The following SPATA13 variants were observed in gnomAD, a reference collection of about 807,000 sequenced individuals.
SPATA13 encodes the protein spermatogenesis associated 13.
A neutral mutation model predicts 104.0 loss-of-function variants in SPATA13; 50 were observed. The observed-to-expected ratio is 0.48, with a 90% CI of 0.38 to 0.61. The LOEUF is 0.61. Ranked by LOEUF, SPATA13 falls within the 20% of genes least tolerant of loss-of-function variation. The pLI, the probability that SPATA13 is intolerant of heterozygous loss-of-function variation, is 0.00. For synonymous variants in SPATA13, 606 were observed against 667.5 expected (o/e 0.91, Z 1.42); for missense variants, 1,524 against 1,690.6 (o/e 0.90, Z 1.73).
At chr13:24,165,754 A>G (rs987714868) in intron 1 of SPATA13, among the ~76,000 whole-genome samples, 1 of 152,220 alleles carries the variant, frequency 6.6e-6, no homozygotes, top group Admixed American at 6.5e-5. Flanking sequence ...CATCTTTTGC[A>G]GAAAATGTTG....
At chr13:24,095,037 A>T (rs1313594326) in intron 3 of SPATA13, among the ~76,000 whole-genome samples, 3 of 152,226 alleles carry the variant, frequency 2.0e-5, no homozygotes, top group African/African-American at 7.2e-5. Flanking sequence ...CATGTGATCC[A>T]GCAATCCCAC....
chr13:23,981,200 A>T (rs1874876605), intron 1 of SPATA13, among the ~76,000 whole-genome samples: 1 of 152,178 alleles, frequency 6.6e-6, no homozygotes, highest in Non-Finnish European at 1.5e-5. Context: ...GGGTATTTTC[A>T]TACATGGAGA....
chr13:24,235,826 T>C (rs931324920), intron 2 of SPATA13, among the ~76,000 whole-genome samples: 1 of 152,218 alleles, frequency 6.6e-6, no homozygotes, highest in African/African-American at 2.4e-5. Context: ...CATCCACTAC[T>C]GAGAACTAGA....
At chr13:23,999,256 A>T (rs1187168614) in intron 2 of SPATA13, among the ~76,000 whole-genome samples, 1 of 151,202 alleles carries the variant, frequency 6.6e-6, no homozygotes, top group Non-Finnish European at 1.5e-5. Context: ...AACTGGTTTT[A>T]TAAGTCTCAA....
In SPATA13 at chr13:24,306,355, G is replaced by A. The variant is rs1877576100; in HGVS notation, c.*3582G>A. 6.6e-6 allele frequency: 1 copy of A among 152,208 alleles called. No homozygotes were observed. Among genetic ancestry groups the A allele is most frequent in the Non-Finnish European group, 1.5e-5 (1 of 68,048 alleles). The allele number at this position is 152,208 out of a possible 1,614,324, so 9.4% of individuals were successfully genotyped here. A position where few individuals can be genotyped will look rare whatever the true frequency, so the allele number is the denominator to read the frequency against. ...GAATAGAACAGCATAATTACCTGGA[G>A]TTAGGGGGAGTATTTCTGCACTATT... On this transcript the variant is annotated 3_prime_UTR_variant, in exon 13 of 13. Coordinates refer to ENST00000382108, the MANE Select transcript of SPATA13 (RefSeq NM_001166271.3).
intron 2 of SPATA13, among the ~76,000 whole-genome samples, chr13:24,009,102 G>A (rs1876357336): frequency 6.6e-6 from 1 of 152,188 alleles, no homozygotes; most frequent in African/African-American, 2.4e-5. Context: ...GCCCTGCTGA[G>A]GGTGCCCTGA....
At chr13:24,297,825 T>G in intron 11 of SPATA13, 90 bp downstream of exon 11, 2 of 1,454,578 alleles carry the variant, frequency 1.4e-6, no homozygotes, top group South Asian at 1.4e-5. Flanking sequence ...CTGCCCAGCC[T>G]TCTCCCTCAG....
chr13:24,088,959 C>A lies in SPATA13; in HGVS notation c.-112+71258C>A, dbSNP rs370515360. ...TGATCTGGGTCTGGAGACAGGGATG[C>A]GGTCATCGACAGCTCTGGGTTTATG... On this transcript the variant is annotated intron_variant, in intron 3 of 14. Coordinates refer to the SPATA13 transcript ENST00000424834. This position sits in a 1 kb window ranked among gnomAD's most constrained non-coding sequence, Gnocchi z 4.3. Among the ~76,000 whole-genome samples the A allele has an allele frequency of 1.8e-4, 28 of 152,250 alleles. No homozygotes were observed. Among genetic ancestry groups the A allele is most frequent in the African/African-American group, 6.7e-4 (28 of 41,534 alleles).
chr13:24,107,507 T>C (rs1880492493), intron 3 of SPATA13, among the ~76,000 whole-genome samples: 1 of 152,190 alleles, frequency 6.6e-6, no homozygotes, highest in Non-Finnish European at 1.5e-5. Context: ...TCAGAAGATA[T>C]GAAAAGCAAA....
At chr13:24,253,852 C>T (rs889029499) in intron 4 of SPATA13, among the ~76,000 whole-genome samples, 4 of 152,142 alleles carry the variant, frequency 2.6e-5, no homozygotes, top group Admixed American at 1.3e-4. Context: ...GCCACAGTGA[C>T]AGGAGCTCAG....
At chr13:24,022,932 A>C (rs1877049507) in intron 3 of SPATA13, among the ~76,000 whole-genome samples, 1 of 143,802 alleles carries the variant, frequency 7.0e-6, no homozygotes, top group African/African-American at 2.5e-5. Context: ...ATACACTTGA[A>C]TCTTCTTTTT....
intron 1 of SPATA13, among the ~76,000 whole-genome samples, chr13:24,222,138 C>T (rs1172966381): frequency 6.6e-6 from 1 of 152,188 alleles, no homozygotes; most frequent in African/African-American, 2.4e-5. Context: ...ACTTCAGCAG[C>T]ATCCTCACTT....
chr13:24,147,740 A>ACC (rs1881978286), intron 3 of SPATA13, among the ~76,000 whole-genome samples: 1 of 150,882 alleles, frequency 6.6e-6, no homozygotes, highest in South Asian at 2.1e-4. Flanking sequence ...GTACCCATTA[A>ACC]ACATTAACTC....
At chr13:24,027,449 T>C (rs1229994898) in intron 3 of SPATA13, among the ~76,000 whole-genome samples, 1 of 152,184 alleles carries the variant, frequency 6.6e-6, no homozygotes, top group Non-Finnish European at 1.5e-5. Context: ...TCTTTTTTTT[T>C]CAAACTTGCC....
rs1344954112 is a variant in SPATA13, at chr13:24,224,077, C to A, written c.1148C>A (p.Thr383Asn). Residue 383 changes from threonine to asparagine, a missense_variant, in exon 2 of 13, where the codon ACC becomes AAC. Transcript: ENST00000382108. ...SRRGGAVMHG[T>N]TATCTVAPGF... Reference sequence around the variant, plus strand: ...CGGGGCGGGGCGGTCATGCATGGGACCACTGCAACCTGCACCGTGGCCCCC... The same window carrying A: ...CGGGGCGGGGCGGTCATGCATGGGAACACTGCAACCTGCACCGTGGCCCCC... 6.4e-7 allele frequency: 1 copy of A among 1,550,714 alleles called. No homozygotes were observed. Among genetic ancestry groups the A allele is most frequent in the East Asian group, 2.4e-5 (1 of 40,900 alleles).
intron 2 of SPATA13, among the ~76,000 whole-genome samples, chr13:24,236,662 C>T (rs758960601): frequency 8.6e-5 from 13 of 151,076 alleles, no homozygotes; most frequent in Non-Finnish European, 1.5e-5. Context: ...TGTCACTAAT[C>T]ATTAGGGAAA....
chr13:24,146,817 C>A (rs370299897), intron 3 of SPATA13, among the ~76,000 whole-genome samples: 1 of 152,224 alleles, frequency 6.6e-6, no homozygotes, highest in Non-Finnish European at 1.5e-5. Flanking sequence ...AATATCCTAT[C>A]TCCCAGATGG....
rs190469997 is a variant in SPATA13, at chr13:24,155,233, G to C, written c.-111-67586G>C. Among the ~76,000 whole-genome samples, 4 of 152,310 alleles carry C rather than the reference G, an allele frequency of 2.6e-5. No individual in the cohort carries two copies. In the East Asian group the frequency reaches 7.7e-4, roughly 29 times the overall value. On this transcript the variant is annotated intron_variant, in intron 3 of 14. Transcript: ENST00000424834. ...GCACCCAGCTAGTGAAAGATGAAAG[G>C]GGGATTCTATGAAAGGTCTATGTGC...
chr13:24,111,988 G>T (rs2137813901), intron 3 of SPATA13, among the ~76,000 whole-genome samples: 1 of 152,274 alleles, frequency 6.6e-6, no homozygotes, highest in South Asian at 2.1e-4. Context: ...AGATCGTTTT[G>T]AATTGGATAA....
Sources: allele counts gnomAD v4.1 joint callset (sites outside exome capture counted in the v4.1 genomes callset), GRCh38; gene constraint gnomAD v4.1.1; non-coding constraint Gnocchi (gnomAD v3.1); transcripts MANE v1.5; gene names NCBI Gene and HGNC (gene_info 2026-07-23, HGNC 2026-07-21).